ROBO2: variants seen among roughly 807,000 people sequenced by gnomAD.
The protein encoded by ROBO2 is roundabout homolog 2.
A neutral mutation model predicts 160.8 loss-of-function variants in ROBO2; 53 were observed. That is an observed-to-expected ratio of 0.33 (90% CI 0.26 to 0.41). The LOEUF (loss-of-function observed/expected upper bound fraction) is 0.41. Ranked by LOEUF, ROBO2 falls within the 10% of genes least tolerant of loss-of-function variation. The pLI is 1.00. For synonymous variants in ROBO2, 664 were observed against 611.7 expected, an observed-to-expected ratio of 1.09 and a Z score of -1.26; for missense variants, 1,577 against 1,722.4, an observed-to-expected ratio of 0.92 and a Z score of 1.49.
At chr3:76,598,101 A>G (rs1237799495) in intron 2 of ROBO2, among the ~76,000 whole-genome samples, 3 of 151,986 alleles carry the variant, frequency 2.0e-5, no homozygotes, top group Non-Finnish European at 2.9e-5. Context: ...AAAGGAACAG[A>G]TTATTGATAG....
chr3:77,648,628 G>A (rs1006839393), exon 26 of ROBO2: 8 of 152,174 alleles, frequency 5.3e-5, no homozygotes, highest in Non-Finnish European at 7.4e-5. Context: ...TTGAGGGCAA[G>A]ATAAAATGCT....
At chr3:76,493,366 A>ATATATATATATATATATAG (rs2079956468) in intron 2 of ROBO2, among the ~76,000 whole-genome samples, 3 of 69,366 alleles carry the variant, frequency 4.3e-5, no homozygotes, top group Non-Finnish European at 6.1e-5. Context: ...TATATATATA[A>ATATATATATATATATATAG]TTGTATATAC....
chr3:76,397,734 T>A (rs1468353148), intron 2 of ROBO2, among the ~76,000 whole-genome samples: 2 of 152,154 alleles, frequency 1.3e-5, no homozygotes, highest in Non-Finnish European at 2.9e-5. Flanking sequence ...ATGCTCACCA[T>A]CACTGGCCAT....
chr3:77,206,507 C>T (rs2083463683), intron 2 of ROBO2, among the ~76,000 whole-genome samples: 1 of 152,062 alleles, frequency 6.6e-6, no homozygotes, highest in South Asian at 2.1e-4. Context: ...TATTAAAGAA[C>T]CACCTACCCA....
At chr3:77,426,823 T>C (rs1003549461) in intron 2 of ROBO2, among the ~76,000 whole-genome samples, 2 of 152,240 alleles carry the variant, frequency 1.3e-5, no homozygotes, top group Non-Finnish European at 2.9e-5. Flanking sequence ...CTAATTTGCT[T>C]TAATTTTCCC....
At chr3:76,942,371 T>A (rs2078245715) in intron 2 of ROBO2, among the ~76,000 whole-genome samples, 1 of 152,198 alleles carries the variant, frequency 6.6e-6, no homozygotes, top group Non-Finnish European at 1.5e-5. Context: ...ACAACCAGCC[T>A]CCTTTATTGT....
intron 2 of ROBO2, among the ~76,000 whole-genome samples, chr3:76,509,715 G>A (rs931337761): frequency 6.6e-6 from 1 of 152,106 alleles, no homozygotes; most frequent in Non-Finnish European, 1.5e-5. Flanking sequence ...TTCCAGCAAA[G>A]CCCAGGTAAA....
At chr3:76,709,141 G>T (rs1055628957) in intron 2 of ROBO2, among the ~76,000 whole-genome samples, 2 of 152,148 alleles carry the variant, frequency 1.3e-5, no homozygotes, top group East Asian at 3.8e-4. Flanking sequence ...CCATGAAAAG[G>T]TTGGCATTAA....
In ROBO2 at chr3:76,920,400, A is replaced by G. The variant is rs1445410691; in HGVS notation, c.110-177614A>G. Among the ~76,000 whole-genome samples, 5 of 152,318 alleles carry G rather than the reference A, an allele frequency of 3.3e-5. No individual in the cohort carries two copies. The South Asian group carries it at 8.3e-4, about 25-fold the overall frequency. ...AAAGGAAATTTGGGTTAGCTATTTG[A>G]CACTTAGGGGTCAGCAGAAACAGCT... On this transcript the variant is annotated intron_variant, in intron 2 of 26. Coordinates refer to the ROBO2 transcript ENST00000487694.
At chr3:75,929,823 T>A (rs1320465768) in intron 1 of ROBO2, among the ~76,000 whole-genome samples, 1 of 152,054 alleles carries the variant, frequency 6.6e-6, no homozygotes, top group Non-Finnish European at 1.5e-5. Context: ...GCCTCCTGAA[T>A]AACTGGGATT....
chr3:76,829,669 CTTTTTCTTTTTTTTTT>C (rs2066905449), intron 2 of ROBO2, among the ~76,000 whole-genome samples: 1 of 134,178 alleles, frequency 7.5e-6, no homozygotes. Flanking sequence ...CTTTTTTTTT[CTTTTTCTTTTTTTTTT>C]GAGATAGAGT....
At chr3:76,942,188 T>C (rs2078232886) in intron 2 of ROBO2, among the ~76,000 whole-genome samples, 1 of 152,222 alleles carries the variant, frequency 6.6e-6, no homozygotes, top group African/African-American at 2.4e-5. Context: ...TAGTTTGTAC[T>C]TTAAACTTCC....
intron 2 of ROBO2, among the ~76,000 whole-genome samples, chr3:77,313,336 C>T (rs2063708471): frequency 1.3e-5 from 2 of 152,048 alleles, no homozygotes; most frequent in Non-Finnish European, 2.9e-5. Context: ...ATTAGCATAT[C>T]TATCATTTCA....
intron 13 of ROBO2, among the ~76,000 whole-genome samples, chr3:77,571,191 C>T (rs2093628903): frequency 6.6e-6 from 1 of 151,964 alleles, no homozygotes; most frequent in Admixed American, 6.6e-5. Flanking sequence ...CAGAAGTCTG[C>T]TAAAACCAGA....
intron 2 of ROBO2, among the ~76,000 whole-genome samples, chr3:77,372,879 C>A (rs1166499725): frequency 2.6e-5 from 4 of 151,792 alleles, no homozygotes; most frequent in Non-Finnish European, 5.9e-5. Context: ...ATAATACCTA[C>A]CCCCTTATTT....
chr3:77,346,549 G>A (rs148836376), intron 2 of ROBO2, among the ~76,000 whole-genome samples: 56 of 152,232 alleles, frequency 3.7e-4, no homozygotes, highest in African/African-American at 1.3e-3. Flanking sequence ...CATTTCTGTA[G>A]GTAAGAAGTT....
intron 2 of ROBO2, among the ~76,000 whole-genome samples, chr3:77,157,342 A>G (rs557380313): frequency 1.5e-4 from 22 of 144,474 alleles, no homozygotes; most frequent in African/African-American, 5.4e-4. Flanking sequence ...CTAAAATTCA[A>G]TTGAATGTTT....
chr3:76,619,522 T>C (rs1216391532), intron 2 of ROBO2, among the ~76,000 whole-genome samples: 1 of 152,208 alleles, frequency 6.6e-6, no homozygotes, highest in African/African-American at 2.4e-5. Flanking sequence ...TTTGAGGTCA[T>C]TCATGAGCAC....
intron 2 of ROBO2, among the ~76,000 whole-genome samples, chr3:76,162,637 C>A (rs2072685393): frequency 6.6e-6 from 1 of 152,010 alleles, no homozygotes; most frequent in Admixed American, 6.6e-5. Flanking sequence ...ATGTTATTTC[C>A]TCATTGTAGA....
Sources: allele counts gnomAD v4.1 joint callset (sites outside exome capture counted in the v4.1 genomes callset), GRCh38; gene constraint gnomAD v4.1.1; transcripts MANE v1.5; gene names NCBI Gene and HGNC (gene_info 2026-07-23, HGNC 2026-07-21).